The following LOXL2 variants were observed in gnomAD, a reference collection of about 807,000 sequenced individuals.
LOXL2 encodes the protein lysyl oxidase like 2.
In LOXL2, 70 loss-of-function variants were observed where a neutral mutation model predicts 93.0. The observed-to-expected ratio is 0.75, with a 90% CI of 0.62 to 0.92. The LOEUF is 0.92. Ranked by LOEUF, LOXL2 falls within the 40% of genes least tolerant of loss-of-function variation. The pLI is 0.00. For missense variants in LOXL2, 973 were observed against 1,054.9 expected (o/e 0.92, Z 1.08); for synonymous variants, 438 against 413.2 (o/e 1.06, Z -0.73).
intron 5 of LOXL2, among the ~76,000 whole-genome samples, chr8:23,329,328 T>C (rs959049172): frequency 6.6e-6 from 1 of 152,238 alleles, no homozygotes; most frequent in Non-Finnish European, 1.5e-5. Context: ...CAATCAGCTA[T>C]GCAGAGAGGG....
intron 10 of LOXL2, among the ~76,000 whole-genome samples, chr8:23,306,675 G>A (rs1382567995): frequency 6.6e-6 from 1 of 152,264 alleles, no homozygotes; most frequent in Non-Finnish European, 1.5e-5. Flanking sequence ...CTGACCCGGA[G>A]GACTGTCATC....
At chr8:23,336,781 C>G (rs1563194253) in intron 4 of LOXL2, 1 of 152,230 alleles carries the variant, frequency 6.6e-6, no homozygotes, top group African/African-American at 2.4e-5. Context: ...CCTAGAATTA[C>G]TGTCAGCTCA....
intron 9 of LOXL2, among the ~76,000 whole-genome samples, chr8:23,310,171 A>G (rs1803300983): frequency 6.6e-6 from 1 of 152,248 alleles, no homozygotes; most frequent in Non-Finnish European, 1.5e-5. Flanking sequence ...GTCCTAGGCT[A>G]CGAGCGAAGC....
chr8:23,398,203 G>C (rs141539084), intron 1 of LOXL2, among the ~76,000 whole-genome samples: 7 of 152,136 alleles, frequency 4.6e-5, no homozygotes, highest in African/African-American at 1.7e-4. Context: ...AAATTAAGTT[G>C]TTCACAAGTC....
chr8:23,328,708 G>GTTGT (rs1406520302), intron 5 of LOXL2, 143 bp from the exon 6 acceptor site: 7 of 422,692 alleles, frequency 1.7e-5, no homozygotes, highest in East Asian at 7.3e-5. Context: ...TTGATGTATG[G>GTTGT]ATGTGTGTGT....
At chr8:23,401,691 G>GTT (rs1423572616) in intron 1 of LOXL2, among the ~76,000 whole-genome samples, 6 of 152,148 alleles carry the variant, frequency 3.9e-5, no homozygotes, top group Non-Finnish European at 7.4e-5. Flanking sequence ...CTTCGCTGAT[G>GTT]GTCATGTCTA....
chr8:23,302,132 G>A lies in LOXL2; in HGVS notation c.2028C>T (p.Phe676=), dbSNP rs779774774. The part of the protein sequence containing the change: ...DIQKNYECAN[F]GDQGITMGCW... ...AGCCCATGGTGATGCCCTGATCGCCGAAGTTGGCACACTCGTAATTCTTCT... is the reference window on the plus strand; with the variant it reads ...AGCCCATGGTGATGCCCTGATCGCCAAAGTTGGCACACTCGTAATTCTTCT... The change falls in exon 12 of 14, where the codon TTC becomes TTT. Residue 676 remains phenylalanine (F), a synonymous_variant. Transcript: ENST00000389131. The A allele has an allele frequency of 2.9e-5, 47 of 1,614,134 alleles. No homozygotes were observed. In the Middle Eastern group the frequency reaches 4.9e-4, roughly 17 times the overall value.
intron 4 of LOXL2, among the ~76,000 whole-genome samples, chr8:23,340,309 G>A (rs1803861766): frequency 6.6e-6 from 1 of 152,106 alleles, no homozygotes; most frequent in African/African-American, 2.4e-5. Flanking sequence ...GAGGAGGGAG[G>A]AACACCCCAT....
intron 8 of LOXL2, among the ~76,000 whole-genome samples, chr8:23,319,120 C>G (rs886530637): frequency 6.6e-6 from 1 of 152,210 alleles, no homozygotes; most frequent in Non-Finnish European, 1.5e-5. Flanking sequence ...TGTTTACAAC[C>G]AGGATACTGA....
At chr8:23,322,910 G>A (rs1474204144) in intron 6 of LOXL2, among the ~76,000 whole-genome samples, 1 of 152,188 alleles carries the variant, frequency 6.6e-6, no homozygotes, top group African/African-American at 2.4e-5. Context: ...GTTCCTGGGG[G>A]AGGCAGAACT....
intron 6 of LOXL2, 89 bp downstream of exon 6, chr8:23,328,293 T>TC: frequency 7.1e-7 from 1 of 1,406,944 alleles, no homozygotes; most frequent in South Asian, 1.2e-5. Flanking sequence ...AGTGAGGATT[T>TC]CCCGAGAGCT....
intron 12 of LOXL2, 147 bp from the exon 13 acceptor site, chr8:23,299,094 G>A: frequency 1.7e-6 from 1 of 598,886 alleles, no homozygotes; most frequent in East Asian, 2.8e-5. Context: ...TCTCAACAAA[G>A]TCCTTGGGGA....
intron 6 of LOXL2, among the ~76,000 whole-genome samples, chr8:23,323,349 T>C (rs943972451): frequency 5.3e-5 from 8 of 152,202 alleles, no homozygotes; most frequent in South Asian, 2.1e-4. Context: ...GGGAAACAGC[T>C]GGGCTGATCT....
rs748952661 is a variant in LOXL2 at position 23,316,969 on chromosome 8, GC to G, written c.1615del (p.Ala539ProfsTer103). ...CTCACTTTCTGAGCAGGCAACTCCGGCCCCGTACTGCACTCCGCCCTGGGGG... is the reference window on the plus strand; with the variant it reads ...CTCACTTTCTGAGCAGGCAACTCCGGCCCGTACTGCACTCCGCCCTGGGGG... ...ACPQGGVQYG[A>X]GVACSETAPD... is the part of the protein sequence containing the mutation. On this transcript the variant is annotated frameshift_variant, in exon 9 of 14. Coordinates refer to ENST00000389131, the MANE Select transcript of LOXL2 (RefSeq NM_002318.3). LOFTEE classifies it high-confidence loss of function. 11 of 1,608,424 alleles carry G rather than the reference GC, an allele frequency of 6.8e-6. No homozygotes were observed. Among genetic ancestry groups the G allele is most frequent in the Non-Finnish European group, 8.5e-6 (10 of 1,176,718 alleles).
At chr8:23,360,039 G>A in intron 3 of LOXL2, 51 bp downstream of exon 3, 1 of 1,539,670 alleles carries the variant, frequency 6.5e-7, no homozygotes, top group Non-Finnish European at 8.9e-7. Context: ...CGAGTTGCAT[G>A]GAAGAGGAAA....
At chr8:23,305,644 T>C (rs1803218400) in intron 10 of LOXL2, among the ~76,000 whole-genome samples, 1 of 151,892 alleles carries the variant, frequency 6.6e-6, no homozygotes, top group Admixed American at 6.6e-5. Context: ...CCCTTGGGCA[T>C]CTAGGAGGGG....
At chr8:23,386,945 G>C (rs1195301135) in intron 1 of LOXL2, among the ~76,000 whole-genome samples, 1 of 152,190 alleles carries the variant, frequency 6.6e-6, no homozygotes, top group Non-Finnish European at 1.5e-5. Flanking sequence ...CAAGGTGAGA[G>C]GCCCACCTTG....
intron 8 of LOXL2, among the ~76,000 whole-genome samples, chr8:23,319,470 G>T (rs1396269321): frequency 6.6e-6 from 1 of 152,186 alleles, no homozygotes; most frequent in African/African-American, 2.4e-5. Context: ...GGGTTTCAAG[G>T]GAGCAAGCTA....
chr8:23,349,325 C>T (rs1213961095), intron 3 of LOXL2, among the ~76,000 whole-genome samples: 4 of 152,186 alleles, frequency 2.6e-5, no homozygotes, highest in East Asian at 1.9e-4. Context: ...GTGGTGCCTC[C>T]GCGTTAGGCC....
Sources: allele counts gnomAD v4.1 joint callset (sites outside exome capture counted in the v4.1 genomes callset), GRCh38; gene constraint gnomAD v4.1.1; transcripts MANE v1.5; gene names NCBI Gene and HGNC (gene_info 2026-07-23, HGNC 2026-07-21).